The following CFDP1 variants were observed in gnomAD, a reference collection of about 807,000 sequenced individuals.
CFDP1 encodes heterochromatin-stabilizing protein CFDP1.
A neutral mutation model predicts 40.1 loss-of-function variants in CFDP1; 31 were observed. That is an observed-to-expected ratio of 0.77 (90% CI 0.58 to 1.04). The LOEUF is 1.04. CFDP1 is among the 50% of genes least tolerant of loss of function. The pLI is 0.00. For missense variants in CFDP1, 423 were observed against 343.4 expected, an observed-to-expected ratio of 1.23 and a Z score of -1.83; for synonymous variants, 167 against 120.0, an observed-to-expected ratio of 1.39 and a Z score of -2.56.
chr16:75,320,051 C>T (rs1253177236), intron 5 of CFDP1, among the ~76,000 whole-genome samples: 2 of 152,236 alleles, frequency 1.3e-5, no homozygotes, highest in Admixed American at 6.5e-5. Flanking sequence ...CACGGTATCA[C>T]TGACCATCAA....
intron 5 of CFDP1, among the ~76,000 whole-genome samples, chr16:75,363,334 C>G (rs1258759588): frequency 1.3e-5 from 2 of 149,894 alleles, no homozygotes; most frequent in African/African-American, 4.9e-5. Flanking sequence ...ATTGTTAATA[C>G]TTACTGCTCA....
At chr16:75,303,097 GGCT>G (rs2078232194) in intron 6 of CFDP1, among the ~76,000 whole-genome samples, 1 of 151,040 alleles carries the variant, frequency 6.6e-6, no homozygotes, top group Non-Finnish European at 1.5e-5. Context: ...CTACTTGGGA[GGCT>G]GAGGCAGGAG....
At chr16:75,424,540 G>A (rs1006034781) in intron 1 of CFDP1, among the ~76,000 whole-genome samples, 2 of 152,114 alleles carry the variant, frequency 1.3e-5, no homozygotes, top group Non-Finnish European at 2.9e-5. Flanking sequence ...CGGATCACGA[G>A]GTCAGGAGAT....
intron 1 of CFDP1, among the ~76,000 whole-genome samples, chr16:75,421,144 G>C (rs2079275322): frequency 6.6e-6 from 1 of 152,170 alleles, no homozygotes; most frequent in African/African-American, 2.4e-5. Flanking sequence ...GTTTGCAGCG[G>C]GGAGGAGCCC....
intron 5 of CFDP1, among the ~76,000 whole-genome samples, chr16:75,373,574 A>C (rs1199321277): frequency 9.9e-5 from 15 of 152,212 alleles, no homozygotes; most frequent in Admixed American, 9.8e-4. Context: ...CATGAACAAA[A>C]GAGAGGCACA....
intron 4 of CFDP1, among the ~76,000 whole-genome samples, chr16:75,398,515 T>C (rs1405082555): frequency 6.6e-6 from 1 of 152,168 alleles, no homozygotes; most frequent in Non-Finnish European, 1.5e-5. Context: ...AAATAAAAGA[T>C]AATACAGCTT....
At chr16:75,429,746 T>A (rs1159887955) in intron 1 of CFDP1, among the ~76,000 whole-genome samples, 5 of 152,198 alleles carry the variant, frequency 3.3e-5, no homozygotes, top group African/African-American at 1.2e-4. Flanking sequence ...AAGATTAAAG[T>A]GAAAATCTAA....
rs1176128624 is a variant in CFDP1 at position 75,433,206 on chromosome 16, C to A, written c.64+83G>T. On this transcript the variant is annotated intron_variant, in intron 1 of 6. Transcript: ENST00000283882. ...CCCCTGGACCACCTGGGCCACAGGG[C>A]AGACGCCCGCGGGGGCAGAGCGCGC... is the stretch of plus-strand genomic sequence containing the variant. 15 of 1,369,706 alleles carry A rather than the reference C, an allele frequency of 1.1e-5. 1 individual carries two copies. The South Asian group carries it at 1.2e-4, about 11-fold the overall frequency. 84.8% of individuals were successfully genotyped at this position (1,369,706 alleles called of 1,614,324 possible).
In CFDP1 at chr16:75,396,380, A is replaced by T. The variant is rs1475463518; in HGVS notation, c.531-1171T>A. 2.9e-5 allele frequency among the ~76,000 whole-genome samples: 3 copies of T among 103,440 alleles called. 1 individual carries two copies. Among genetic ancestry groups the T allele is most frequent in the African/African-American group, 8.6e-5 (3 of 34,712 alleles). 67.9% of individuals were successfully genotyped at this position (103,440 alleles called of 152,430 possible). On this transcript the variant is annotated intron_variant, in intron 4 of 6. Transcript: ENST00000283882. The stretch of plus-strand genomic sequence containing the variant: ...TGGTGAAACCCTGTCTCTACTAAAA[A>T]TACAAAAAATTAGCCAGGCATAGTG...
At chr16:75,371,355 C>A (rs1218919712) in intron 5 of CFDP1, among the ~76,000 whole-genome samples, 15 of 148,266 alleles carry the variant, frequency 1.0e-4, no homozygotes, top group Admixed American at 1.4e-4. Flanking sequence ...AATTATATAT[C>A]TCTCTCTAAA....
Position 75,294,014 on chromosome 16 carries a change from G to C in CFDP1, c.838C>G (p.Arg280Gly), listed in dbSNP as rs1394274250. Residue 280 changes from arginine (R) to glycine (G), a missense_variant, in exon 7 of 7, where the codon CGA becomes GGA. Physicochemically the swap from Arg to Gly is moderately radical, Grantham distance 125. Transcript: ENST00000283882. Reference protein sequence around the residue: ...GYIERKAFLDRVDHRQFEIER... With the variant: ...GYIERKAFLDGVDHRQFEIER... ...ATTTCAAACTGCCTGTGATCCACTC[G>C]GTCAAGGAAGGCTTTCCGTTCAATG... The C allele has an allele frequency of 4.3e-6, 7 of 1,613,938 alleles. No homozygotes were observed. The highest frequency in any genetic ancestry group is 5.9e-6 in the Non-Finnish European group (7 of 1,179,926).
chr16:75,412,105 C>G lies in CFDP1; in HGVS notation c.403-153G>C, dbSNP rs969330670. Among the ~76,000 whole-genome samples the G allele has an allele frequency of 2.6e-5, 4 of 152,168 alleles. No homozygotes were observed. The South Asian group carries it at 8.3e-4, about 32-fold the overall frequency. On this transcript the variant is annotated intron_variant, in intron 3 of 6. Transcript: ENST00000283882. Reference sequence around the variant, plus strand: ...ATCTTGGCTCACTGCAACCTCCCCACCTCCCAGGTTAAAGCGATTCTCCTT... The same window carrying G: ...ATCTTGGCTCACTGCAACCTCCCCAGCTCCCAGGTTAAAGCGATTCTCCTT...
intron 6 of CFDP1, among the ~76,000 whole-genome samples, chr16:75,297,182 G>GTGTGTGTGTGAC (rs2078189390): frequency 6.7e-6 from 1 of 149,756 alleles, no homozygotes; most frequent in Non-Finnish European, 1.5e-5. Flanking sequence ...GTGTGTGTGT[G>GTGTGTGTGTGAC]TGTGTGTGTG....
intron 1 of CFDP1, among the ~76,000 whole-genome samples, chr16:75,424,162 T>C (rs559266669): frequency 9.9e-5 from 15 of 152,268 alleles, no homozygotes; most frequent in African/African-American, 3.4e-4. Flanking sequence ...TTATCTAACA[T>C]GATAAAAGGA....
At chr16:75,417,725 T>C (rs534418111) in intron 1 of CFDP1, among the ~76,000 whole-genome samples, 1 of 151,926 alleles carries the variant, frequency 6.6e-6, no homozygotes, top group Non-Finnish European at 1.5e-5. Context: ...TATACCAAAA[T>C]GATAACATAA....
chr16:75,298,733 T>C (rs1024858212), intron 6 of CFDP1, among the ~76,000 whole-genome samples: 2 of 152,216 alleles, frequency 1.3e-5, no homozygotes, highest in African/African-American at 4.8e-5. Flanking sequence ...CTTGCAAACA[T>C]CTCAAGGGTT....
At chr16:75,326,716 G>T (rs1339105539) in intron 5 of CFDP1, among the ~76,000 whole-genome samples, 1 of 152,154 alleles carries the variant, frequency 6.6e-6, no homozygotes, top group Non-Finnish European at 1.5e-5. Context: ...TCCAAGGAGA[G>T]CGGTAAAATG....
At chr16:75,428,916 AC>A (rs1243655489) in intron 1 of CFDP1, among the ~76,000 whole-genome samples, 1 of 151,748 alleles carries the variant, frequency 6.6e-6, no homozygotes, top group Non-Finnish European at 1.5e-5. Flanking sequence ...GGAGTTCGAG[AC>A]CAGGCTGGCC....
chr16:75,296,799 A>T (rs1273025857), intron 6 of CFDP1, among the ~76,000 whole-genome samples: 3 of 152,208 alleles, frequency 2.0e-5, no homozygotes, highest in Admixed American at 2.0e-4. Flanking sequence ...AGGTCTGGTG[A>T]CTATTCCCCA....
Sources: allele counts gnomAD v4.1 joint callset (sites outside exome capture counted in the v4.1 genomes callset), GRCh38; gene constraint gnomAD v4.1.1; transcripts MANE v1.5; gene names NCBI Gene and HGNC (gene_info 2026-07-23, HGNC 2026-07-21).